ARHGAP32: variants seen among roughly 807,000 people sequenced by gnomAD.
ARHGAP32 encodes Rho GTPase activating protein 32.
In ARHGAP32, 51 loss-of-function variants were observed where a neutral mutation model predicts 186.5. The ratio of observed to expected loss-of-function variants is 0.27; its 90% CI spans 0.22 to 0.35. ARHGAP32 has a LOEUF of 0.35. Ranked by LOEUF, ARHGAP32 falls within the 10% of genes least tolerant of loss-of-function variation. The pLI is 1.00. For synonymous variants in ARHGAP32, 950 were observed against 964.3 expected, an observed-to-expected ratio of 0.99 and a Z score of 0.27; for missense variants, 2,186 against 2,623.5, an observed-to-expected ratio of 0.83 and a Z score of 3.64.
chr11:129,149,319 A>G (rs1943239939), intron 2 of ARHGAP32, among the ~76,000 whole-genome samples: 1 of 152,204 alleles, frequency 6.6e-6, no homozygotes, highest in Non-Finnish European at 1.5e-5. Flanking sequence ...CTTTACTGCT[A>G]GCATAACCAG....
rs1940710762 is a variant in ARHGAP32 at position 129,066,852 on chromosome 11, A to G, written c.548T>C (p.Val183Ala). The change falls in exon 7 of 23, where the codon GTT (valine) becomes GCT (alanine). Residue 183 changes from valine (V) to alanine (A), a missense_variant. Physicochemically the swap from Val to Ala is moderately conservative, Grantham distance 64. Coordinates refer to ENST00000682385, the MANE Select transcript of ARHGAP32 (RefSeq NM_001378024.1). ...QIACQGKSWI[V>A]KRSYEDFRVL... ...CCGAAAATCTTCATAACTTCTTTTA[A>G]CAATCCAACTTTTTCCCTATTGGTA... 1 of 1,606,434 alleles carries G rather than the reference A, an allele frequency of 6.2e-7. No homozygotes were observed. Among genetic ancestry groups the G allele is most frequent in the Admixed American group, 1.7e-5 (1 of 59,086 alleles).
intron 1 of ARHGAP32, among the ~76,000 whole-genome samples, chr11:129,243,492 A>G (rs1255545414): frequency 6.6e-6 from 1 of 152,216 alleles, no homozygotes; most frequent in Non-Finnish European, 1.5e-5. Context: ...GTGGAAAAAA[A>G]TAGTCTTCCC....
At chr11:129,059,432 C>G (rs1008376039) in intron 10 of ARHGAP32, among the ~76,000 whole-genome samples, 1 of 151,620 alleles carries the variant, frequency 6.6e-6, no homozygotes, top group Non-Finnish European at 1.5e-5. Context: ...TAGAAATGGA[C>G]TAATGTGTAG....
intron 11 of ARHGAP32, among the ~76,000 whole-genome samples, chr11:129,016,352 A>C (rs1247093812): frequency 6.6e-6 from 1 of 152,220 alleles, no homozygotes; most frequent in Non-Finnish European, 1.5e-5. Context: ...CTTTAGGTAC[A>C]GAAATCATTC....
intron 11 of ARHGAP32, among the ~76,000 whole-genome samples, chr11:129,036,382 A>AAC (rs1939341055): frequency 4.0e-5 from 3 of 75,200 alleles, no homozygotes; most frequent in African/African-American, 1.2e-4. Flanking sequence ...CTCCGTCTCA[A>AAC]AAAAAAAAAA....
chr11:129,041,309 A>G (rs1007872823), intron 10 of ARHGAP32, among the ~76,000 whole-genome samples: 3 of 152,096 alleles, frequency 2.0e-5, no homozygotes, highest in Admixed American at 2.0e-4. Context: ...ACAATGAGCT[A>G]TGCATGCAAG....
chr11:129,189,200 C>T (rs982341267), intron 1 of ARHGAP32, among the ~76,000 whole-genome samples: 1 of 152,092 alleles, frequency 6.6e-6, no homozygotes, highest in Non-Finnish European at 1.5e-5. Context: ...CAGAAGATAG[C>T]CCCAAAAATC....
intron 1 of ARHGAP32, among the ~76,000 whole-genome samples, chr11:129,235,478 T>C (rs1039896046): frequency 1.3e-5 from 2 of 152,180 alleles, no homozygotes; most frequent in Admixed American, 1.3e-4. Context: ...CCATTTTTGG[T>C]ATTATCTGCT....
Position 128,974,914 on chromosome 11 carries a change from G to A in ARHGAP32, c.2283C>T (p.Arg761=). The A allele has an allele frequency of 6.2e-7, 1 of 1,614,164 alleles. No homozygotes were observed. The highest frequency in any genetic ancestry group is 8.5e-7 in the Non-Finnish European group (1 of 1,180,022). The part of the protein sequence containing the change: ...ASFNGEMLGN[R]CNSYDNLPHD... The stretch of plus-strand genomic sequence containing the variant: ...GAGGCAGATTATCATAGGAGTTACA[G>A]CGGTTCCCCAGCATTTCTCCATTAA... The change falls in exon 21 of 23, where the codon CGC becomes CGT. Residue 761 remains arginine (R), a synonymous_variant. Transcript: ENST00000682385.
chr11:129,046,490 C>A (rs1939812110), intron 10 of ARHGAP32, among the ~76,000 whole-genome samples: 1 of 152,112 alleles, frequency 6.6e-6, no homozygotes, highest in African/African-American at 2.4e-5. Flanking sequence ...AGTAGCTTAG[C>A]AAGCATATGG....
chr11:129,157,516 G>A (rs1943434480), intron 2 of ARHGAP32, among the ~76,000 whole-genome samples: 1 of 151,968 alleles, frequency 6.6e-6, no homozygotes, highest in Admixed American at 6.6e-5. Context: ...AAAGCGTGAA[G>A]ACAAGATTAG....
intron 6 of ARHGAP32, among the ~76,000 whole-genome samples, chr11:129,073,333 G>C (rs1940930185): frequency 6.6e-6 from 1 of 152,164 alleles, no homozygotes; most frequent in African/African-American, 2.4e-5. Context: ...TGATTAATCT[G>C]CTAAAAGCTT....
chr11:128,976,729 A>G lies in ARHGAP32; in HGVS notation c.2123-95T>C, dbSNP rs1945552813. On this transcript the variant is annotated intron_variant, in intron 19 of 22. Coordinates refer to ENST00000682385, the MANE Select transcript of ARHGAP32 (RefSeq NM_001378024.1). ...TTTTCTTGATACATTTAAACTTTTG[A>G]GAGTGATTAGCTGTACATTTTGACA... is the stretch of plus-strand genomic sequence containing the variant. 15 of 1,026,486 alleles carry G rather than the reference A, an allele frequency of 1.5e-5. No individual in the cohort carries two copies. In the South Asian group the frequency reaches 1.8e-4, roughly 13 times the overall value. 63.6% of individuals were successfully genotyped at this position (1,026,486 alleles called of 1,614,324 possible). A position where few individuals can be genotyped will look rare whatever the true frequency, so the allele number is the denominator to read the frequency against.
At chr11:129,049,869 CTT>C (rs1939967585) in intron 10 of ARHGAP32, among the ~76,000 whole-genome samples, 1 of 152,144 alleles carries the variant, frequency 6.6e-6, no homozygotes, top group Non-Finnish European at 1.5e-5. Flanking sequence ...TGGACACATG[CTT>C]TTTCTGTAAA....
At chr11:129,074,938 A>G (rs1940989763) in intron 6 of ARHGAP32, among the ~76,000 whole-genome samples, 1 of 152,244 alleles carries the variant, frequency 6.6e-6, no homozygotes, top group South Asian at 2.1e-4. Context: ...GAGGTGATGG[A>G]TATGTAACTC....
chr11:129,177,192 A>G (rs1273399780), intron 1 of ARHGAP32, among the ~76,000 whole-genome samples: 1 of 152,190 alleles, frequency 6.6e-6, no homozygotes, highest in Admixed American at 6.5e-5. Flanking sequence ...TATAGAAGAA[A>G]TGGATAAATT....
chr11:128,998,105 G>C (rs527852056), intron 12 of ARHGAP32, among the ~76,000 whole-genome samples: 2 of 152,156 alleles, frequency 1.3e-5, no homozygotes, highest in East Asian at 3.9e-4. Flanking sequence ...TACTCTTCCC[G>C]AATAGAACAC....
chr11:128,986,208 AAC>A (rs1945868529), intron 14 of ARHGAP32, 123 bp from the exon 15 acceptor site: 1 of 762,464 alleles, frequency 1.3e-6, no homozygotes, highest in Non-Finnish European at 2.2e-6. Context: ...ATGGCGAGGA[AAC>A]ACAACATTGT....
chr11:129,209,300 G>A (rs1944551128), intron 1 of ARHGAP32, among the ~76,000 whole-genome samples: 1 of 151,918 alleles, frequency 6.6e-6, no homozygotes, highest in African/African-American at 2.4e-5. Flanking sequence ...GAAATCTGCA[G>A]CACAAAAGAA....
Sources: allele counts gnomAD v4.1 joint callset (sites outside exome capture counted in the v4.1 genomes callset), GRCh38; gene constraint gnomAD v4.1.1; transcripts MANE v1.5; gene names NCBI Gene and HGNC (gene_info 2026-07-23, HGNC 2026-07-21).